DOCK1: variants seen among roughly 807,000 people sequenced by gnomAD.
DOCK1 encodes the protein dedicator of cytokinesis 1.
A neutral mutation model predicts 262.7 loss-of-function variants in DOCK1; 138 were observed. The observed-to-expected ratio is 0.53, with a 90% CI of 0.46 to 0.61. The LOEUF is 0.61. DOCK1 is among the 20% of genes least tolerant of loss of function. The pLI, the probability that DOCK1 is intolerant of heterozygous loss-of-function variation, is 0.00. For synonymous variants in DOCK1, 866 were observed against 867.4 expected, an observed-to-expected ratio of 1.00 and a Z score of 0.03; for missense variants, 1,908 against 2,370.7, an observed-to-expected ratio of 0.80 and a Z score of 4.05.
intron 23 of DOCK1, among the ~76,000 whole-genome samples, chr10:127,091,749 C>T (rs1367950842): frequency 1.3e-5 from 2 of 152,172 alleles, no homozygotes; most frequent in Admixed American, 6.5e-5. Flanking sequence ...GCAAAATCAG[C>T]TGACTAAGTC....
chr10:127,395,287 G>A (rs1311333673), intron 38 of DOCK1, among the ~76,000 whole-genome samples: 1 of 152,164 alleles, frequency 6.6e-6, no homozygotes, highest in East Asian at 1.9e-4. Flanking sequence ...TCTGGAGAGG[G>A]CCCTCTGCCT....
At chr10:126,957,718 G>T (rs2134486445) in intron 1 of DOCK1, among the ~76,000 whole-genome samples, 1 of 152,214 alleles carries the variant, frequency 6.6e-6, no homozygotes, top group African/African-American at 2.4e-5. Flanking sequence ...GGGCTCAAGT[G>T]ATTCTCCCAC....
At chr10:127,259,912 C>T (rs1307883207) in intron 29 of DOCK1, among the ~76,000 whole-genome samples, 1 of 151,936 alleles carries the variant, frequency 6.6e-6, no homozygotes, top group Admixed American at 6.6e-5. Context: ...GTAAGGGTTG[C>T]TGCAGCACTG....
intron 38 of DOCK1, among the ~76,000 whole-genome samples, chr10:127,396,257 G>A (rs539403680): frequency 4.0e-5 from 6 of 150,450 alleles, no homozygotes; most frequent in African/African-American, 1.5e-4. Context: ...TGCATAGAGA[G>A]TCCTGGGCCA....
chr10:127,286,097 C>T (rs983480543), intron 29 of DOCK1, among the ~76,000 whole-genome samples: 7 of 152,186 alleles, frequency 4.6e-5, no homozygotes, highest in African/African-American at 1.4e-4. Context: ...GTGTTGCCCT[C>T]GGATAACTCC....
chr10:127,383,512 T>C (rs117606193), intron 37 of DOCK1, among the ~76,000 whole-genome samples: 2,401 of 152,308 alleles, frequency 0.016, 33 homozygotes, highest in Middle Eastern at 0.034. Context: ...AGGTGAAAAA[T>C]CTTGCAGACC....
intron 23 of DOCK1, among the ~76,000 whole-genome samples, chr10:127,079,299 C>G (rs1428085092): frequency 6.6e-6 from 1 of 152,192 alleles, no homozygotes; most frequent in Non-Finnish European, 1.5e-5. Context: ...AACTTTCTAT[C>G]CCACAGTATT....
At chr10:127,024,895 A>C in intron 15 of DOCK1, 112 bp downstream of exon 15, 2 of 856,010 alleles carry the variant, frequency 2.3e-6, no homozygotes, top group Non-Finnish European at 3.5e-6. Flanking sequence ...CCAGGCAGGC[A>C]GAGTGTCTCC....
chr10:127,026,497 TC>T (rs2042875491), intron 16 of DOCK1, 73 bp downstream of exon 16: 1 of 1,389,218 alleles, frequency 7.2e-7, no homozygotes, highest in Non-Finnish European at 1.0e-6. Context: ...GAGGCCACTC[TC>T]AGTTGTTCTG....
intron 27 of DOCK1, among the ~76,000 whole-genome samples, chr10:127,190,756 T>C (rs1041596315): frequency 1.2e-4 from 17 of 142,050 alleles, no homozygotes. Flanking sequence ...GTAGCATCTT[T>C]AATCCCTTCT....
chr10:127,259,730 G>C (rs1349471326), intron 29 of DOCK1, among the ~76,000 whole-genome samples: 1 of 151,918 alleles, frequency 6.6e-6, no homozygotes, highest in Non-Finnish European at 1.5e-5. Flanking sequence ...CATTCATGTC[G>C]CTCCTACTCC....
At chr10:127,300,550 A>T (rs1237681554) in intron 29 of DOCK1, among the ~76,000 whole-genome samples, 2 of 152,192 alleles carry the variant, frequency 1.3e-5, no homozygotes, top group East Asian at 3.9e-4. Flanking sequence ...TAGAAAAGAG[A>T]TATCGCCCTC....
At chr10:127,417,335 G>A (rs1352079481) in intron 44 of DOCK1, among the ~76,000 whole-genome samples, 1 of 152,200 alleles carries the variant, frequency 6.6e-6, no homozygotes, top group Admixed American at 6.5e-5. Context: ...TGGCACCTTA[G>A]GGCTGAGCTG....
chr10:127,183,308 A>C (rs1395618178), intron 27 of DOCK1, among the ~76,000 whole-genome samples: 1 of 152,170 alleles, frequency 6.6e-6, no homozygotes, highest in Admixed American at 6.5e-5. Context: ...TTGAAGATGC[A>C]GTCTGTCTTT....
intron 49 of DOCK1, among the ~76,000 whole-genome samples, chr10:127,442,509 A>G (rs1050813901): frequency 2.3e-4 from 35 of 152,150 alleles, no homozygotes; most frequent in African/African-American, 8.5e-4. Context: ...TCTGAGACCA[A>G]CCTGTAAGAA....
At chr10:127,213,328 G>GT (rs1475440079) in intron 27 of DOCK1, among the ~76,000 whole-genome samples, 1 of 152,190 alleles carries the variant, frequency 6.6e-6, no homozygotes, top group African/African-American at 2.4e-5. Context: ...AAAGCAATCA[G>GT]TGATATGTTC....
At chr10:127,426,891 T>C (rs1484989833) in intron 47 of DOCK1, among the ~76,000 whole-genome samples, 1 of 152,142 alleles carries the variant, frequency 6.6e-6, no homozygotes, top group Admixed American at 6.5e-5. Flanking sequence ...AACCTTGCAG[T>C]TCAAATCTTA....
At chr10:127,183,622 C>G (rs2055945736) in intron 27 of DOCK1, among the ~76,000 whole-genome samples, 1 of 152,106 alleles carries the variant, frequency 6.6e-6, no homozygotes, top group Admixed American at 6.5e-5. Context: ...ATCTTCTCGG[C>G]CCTCATACAG....
At chr10:126,911,015 A>G (rs983108619) in intron 1 of DOCK1, among the ~76,000 whole-genome samples, 5 of 152,206 alleles carry the variant, frequency 3.3e-5, no homozygotes, top group East Asian at 1.9e-4. Context: ...ACAAGCACAT[A>G]CAGGTTTTAG....
Sources: gnomAD v4.1 joint callset for allele counts (sites outside exome capture counted in the v4.1 genomes callset) on GRCh38, gnomAD v4.1.1 for gene constraint, MANE v1.5 for transcripts, NCBI Gene and HGNC (gene_info 2026-07-23, HGNC 2026-07-21) for gene names.